Variants in CAMK2D observed in about 807,000 individuals in gnomAD.
CAMK2D encodes the protein calcium/calmodulin-dependent protein kinase type II subunit delta.
Under a neutral mutation model 84.0 loss-of-function variants are expected in CAMK2D, and 37 were observed. That is an observed-to-expected ratio of 0.44 (90% CI 0.34 to 0.58). The LOEUF (loss-of-function observed/expected upper bound fraction) is 0.58. Among genes scored for constraint, CAMK2D ranks in the 20% least tolerant of loss-of-function variants. The probability of loss-of-function intolerance (pLI) is 0.02; values close to 1 mark genes in which losing one functional copy is unlikely to be tolerated. For missense variants in CAMK2D, 448 were observed against 652.5 expected (o/e 0.69, Z 3.41); for synonymous variants, 202 against 212.5 (o/e 0.95, Z 0.43).
chr4:113,546,386 G>A (rs532475752), intron 6 of CAMK2D, among the ~76,000 whole-genome samples: 1 of 152,300 alleles, frequency 6.6e-6, no homozygotes, highest in Admixed American at 6.5e-5. Flanking sequence ...CAGATATACA[G>A]TCCGATCTTG....
chr4:113,464,197 T>C (rs1312864387), intron 17 of CAMK2D, among the ~76,000 whole-genome samples: 2 of 152,344 alleles, frequency 1.3e-5, no homozygotes, highest in East Asian at 3.9e-4. Context: ...GAAGAGGCTC[T>C]TGCATTCAAG....
intron 4 of CAMK2D, among the ~76,000 whole-genome samples, chr4:113,588,787 G>A (rs1313024119): frequency 6.6e-6 from 1 of 151,268 alleles, no homozygotes; most frequent in Non-Finnish European, 1.5e-5. Context: ...GATCAAAAGA[G>A]AAAAAAGTCC....
At chr4:113,742,915 A>G (rs2099596209) in intron 2 of CAMK2D, among the ~76,000 whole-genome samples, 1 of 152,178 alleles carries the variant, frequency 6.6e-6, no homozygotes, top group African/African-American at 2.4e-5. Context: ...GATAAAAACT[A>G]TGTACAACCC....
chr4:113,735,421 G>C (rs1027210876), intron 2 of CAMK2D, among the ~76,000 whole-genome samples: 1 of 151,686 alleles, frequency 6.6e-6, no homozygotes, highest in Admixed American at 6.6e-5. Flanking sequence ...GTTGTGGTGA[G>C]CTGAGATTGC....
intron 3 of CAMK2D, among the ~76,000 whole-genome samples, chr4:113,615,813 T>C (rs1432516546): frequency 6.6e-6 from 1 of 152,140 alleles, no homozygotes; most frequent in African/African-American, 2.4e-5. Context: ...TTACTTGTTT[T>C]AACATGAAAC....
chr4:113,724,987 T>C (rs2099541645), intron 2 of CAMK2D, among the ~76,000 whole-genome samples: 1 of 152,066 alleles, frequency 6.6e-6, no homozygotes, highest in Admixed American at 6.5e-5. Context: ...CATTTTACTT[T>C]ATCTCGCATT....
At chr4:113,561,139 A>C (rs975807709) in intron 4 of CAMK2D, among the ~76,000 whole-genome samples, 2 of 152,196 alleles carry the variant, frequency 1.3e-5, no homozygotes, top group African/African-American at 4.8e-5. Context: ...TTTGATCTCT[A>C]ACTTTCCTCT....
intron 6 of CAMK2D, among the ~76,000 whole-genome samples, chr4:113,540,330 G>A (rs2098521856): frequency 6.6e-6 from 1 of 152,166 alleles, no homozygotes. Flanking sequence ...TACCTCCTTA[G>A]ACAGGAGCAC....
chr4:113,760,303 G>C (rs185068107), intron 1 of CAMK2D, among the ~76,000 whole-genome samples: 1 of 152,258 alleles, frequency 6.6e-6, no homozygotes, highest in Non-Finnish European at 1.5e-5. Context: ...TCAGTCTCCA[G>C]AGGGCTTTTC....
At chr4:113,686,887 C>T (rs1044994289) in intron 2 of CAMK2D, among the ~76,000 whole-genome samples, 1 of 149,668 alleles carries the variant, frequency 6.7e-6, no homozygotes, top group South Asian at 2.1e-4. Context: ...CACACACACA[C>T]ACATACACTT....
At chr4:113,685,954 C>T (rs2099358465) in intron 2 of CAMK2D, among the ~76,000 whole-genome samples, 2 of 151,968 alleles carry the variant, frequency 1.3e-5, no homozygotes, top group African/African-American at 4.8e-5. Context: ...ATCCCAGCTA[C>T]TCGGGAGGCT....
In CAMK2D at chr4:113,566,145, GA is replaced by G. The variant is rs555766183; in HGVS notation, c.276-14050del. ...AAACGTCTCTCCCTTTTTCACAATGGAAAGTAGCAAAAGAGACTGTTTTCTG... is the reference window on the plus strand; with the variant it reads ...AAACGTCTCTCCCTTTTTCACAATGGAAGTAGCAAAAGAGACTGTTTTCTG... On this transcript the variant is annotated intron_variant, in intron 4 of 20. Transcript: ENST00000511664. Among the ~76,000 whole-genome samples the G allele has an allele frequency of 9.4e-4, 143 of 152,272 alleles. 2 individuals carry two copies. The highest frequency in any genetic ancestry group is 3.1e-3 in the African/African-American group (128 of 41,546).
At chr4:113,704,764 A>G (rs1342638109) in intron 2 of CAMK2D, among the ~76,000 whole-genome samples, 1 of 152,196 alleles carries the variant, frequency 6.6e-6, no homozygotes, top group Admixed American at 6.5e-5. Context: ...CCTTTTCACT[A>G]AAAACTAGAT....
At chr4:113,470,775 G>A (rs1228947211) in intron 16 of CAMK2D, among the ~76,000 whole-genome samples, 1 of 152,048 alleles carries the variant, frequency 6.6e-6, no homozygotes, top group African/African-American at 2.4e-5. Flanking sequence ...TTATTTGCAT[G>A]TAACCGATTA....
At chr4:113,507,437 G>GT (rs71984715) in intron 13 of CAMK2D, among the ~76,000 whole-genome samples, 32,358 of 146,496 alleles carry the variant, frequency 0.22, 3,758 homozygotes, top group African/African-American at 0.29. Context: ...TTGTTTGTTT[G>GT]TTTTTTTTTT....
chr4:113,701,191 C>G (rs1028622788), intron 2 of CAMK2D, among the ~76,000 whole-genome samples: 1 of 152,152 alleles, frequency 6.6e-6, no homozygotes, highest in Admixed American at 6.5e-5. Flanking sequence ...AGGATAAAGC[C>G]TTTTGGGCAA....
At chr4:113,468,157 C>A (rs1335958189) in intron 16 of CAMK2D, among the ~76,000 whole-genome samples, 2 of 152,086 alleles carry the variant, frequency 1.3e-5, no homozygotes, top group Admixed American at 6.6e-5. Context: ...GAATTAGAAT[C>A]ATCGGGTGTA....
intron 6 of CAMK2D, among the ~76,000 whole-genome samples, chr4:113,540,662 A>G (rs1202502710): frequency 6.6e-6 from 1 of 152,200 alleles, no homozygotes; most frequent in Non-Finnish European, 1.5e-5. Context: ...AAACAATAAA[A>G]TCACACTGGA....
chr4:113,648,262 A>C (rs2099159260), intron 3 of CAMK2D, among the ~76,000 whole-genome samples: 1 of 152,204 alleles, frequency 6.6e-6, no homozygotes, highest in African/African-American at 2.4e-5. Flanking sequence ...TTTATATATT[A>C]AATGTTTTAA....
Sources: gnomAD v4.1 joint callset for allele counts (sites outside exome capture counted in the v4.1 genomes callset) on GRCh38, gnomAD v4.1.1 for gene constraint, MANE v1.5 for transcripts, NCBI Gene and HGNC (gene_info 2026-07-23, HGNC 2026-07-21) for gene names.